Variants in TYR observed in about 807,000 individuals in gnomAD.
TYR encodes the protein tyrosinase.
A neutral mutation model predicts 51.5 loss-of-function variants in TYR; 58 were observed. The observed-to-expected ratio is 1.13, with a 90% CI of 0.91 to 1.40. The LOEUF is 1.40. TYR is among the 40% of genes most tolerant of loss of function. TYR has a pLI of 0.00. For synonymous variants in TYR, 263 were observed against 235.2 expected (o/e 1.12, Z -1.08); for missense variants, 732 against 647.4 (o/e 1.13, Z -1.42).
At chr11:89,192,720 C>A (rs748117434) in intron 2 of TYR, among the ~76,000 whole-genome samples, 16 of 152,126 alleles carry the variant, frequency 1.1e-4, no homozygotes, top group Non-Finnish European at 2.1e-4. Flanking sequence ...TGGTAATATT[C>A]ATGATTAACT....
intron 4 of TYR, chr11:89,294,014 T>G (rs563050209): frequency 5.0e-6 from 1 of 198,416 alleles, no homozygotes; most frequent in East Asian, 1.5e-4. Context: ...ATAAAGACTT[T>G]CTTTCTTTTT....
At chr11:89,257,812 A>T (rs1395328935) in intron 3 of TYR, among the ~76,000 whole-genome samples, 1 of 152,002 alleles carries the variant, frequency 6.6e-6, no homozygotes, top group Non-Finnish European at 1.5e-5. Flanking sequence ...TTCCCAGAGA[A>T]TTTGAATTCT....
chr11:89,256,091 A>G (rs1389113069), intron 3 of TYR, among the ~76,000 whole-genome samples: 2 of 151,762 alleles, frequency 1.3e-5, no homozygotes, highest in East Asian at 3.9e-4. Flanking sequence ...TGAGTAATAA[A>G]GACAATGACC....
intron 1 of TYR, among the ~76,000 whole-genome samples, chr11:89,189,724 G>T (rs1321283817): frequency 1.3e-5 from 2 of 152,082 alleles, no homozygotes; most frequent in Non-Finnish European, 2.9e-5. Flanking sequence ...ATGTGAGGTA[G>T]TTGTTATTAT....
intron 3 of TYR, among the ~76,000 whole-genome samples, chr11:89,258,146 G>A (rs950462462): frequency 2.6e-5 from 4 of 151,944 alleles, no homozygotes; most frequent in Admixed American, 1.3e-4. Context: ...GATTGCTATG[G>A]TGAAAGGCGG....
chr11:89,237,452 T>G (rs527972494), intron 3 of TYR, among the ~76,000 whole-genome samples: 19 of 152,274 alleles, frequency 1.2e-4, no homozygotes, highest in African/African-American at 4.3e-4. Flanking sequence ...AATATATTGA[T>G]GAGCCTATCC....
At chr11:89,184,168 G>A (rs1388328705) in intron 1 of TYR, among the ~76,000 whole-genome samples, 2 of 152,002 alleles carry the variant, frequency 1.3e-5, no homozygotes, top group Non-Finnish European at 2.9e-5. Flanking sequence ...CTGGAACCAG[G>A]GTAGATTTTC....
chr11:89,238,733 T>A (rs1445671929), intron 3 of TYR, among the ~76,000 whole-genome samples: 2 of 152,188 alleles, frequency 1.3e-5, no homozygotes, highest in East Asian at 1.9e-4. Flanking sequence ...TTGTCATATA[T>A]GCAAACTTTA....
chr11:89,246,328 A>G (rs1054547755), intron 3 of TYR, among the ~76,000 whole-genome samples: 15 of 152,162 alleles, frequency 9.9e-5, no homozygotes, highest in African/African-American at 2.9e-4. Flanking sequence ...AATTTTCCTC[A>G]CTTACAAAAA....
chr11:89,287,359 A>C (rs571235866), intron 4 of TYR, among the ~76,000 whole-genome samples: 1 of 151,926 alleles, frequency 6.6e-6, no homozygotes, highest in Non-Finnish European at 1.5e-5. Context: ...TTAAAACACT[A>C]TAAGTATTCT....
chr11:89,265,371 C>T (rs1462167065), intron 3 of TYR, among the ~76,000 whole-genome samples: 1 of 152,082 alleles, frequency 6.6e-6, no homozygotes, highest in Non-Finnish European at 1.5e-5. Context: ...CACTCCACCT[C>T]TCAGAATTCC....
chr11:89,272,209 G>A (rs1032429084), intron 3 of TYR, among the ~76,000 whole-genome samples: 4 of 151,612 alleles, frequency 2.6e-5, no homozygotes, highest in African/African-American at 4.8e-5. Context: ...ACTGTATGTC[G>A]GCTATACCCT....
chr11:89,196,463 T>C (rs12789834), intron 2 of TYR, among the ~76,000 whole-genome samples: 5,524 of 152,262 alleles, frequency 0.036, 136 homozygotes, highest in Middle Eastern at 0.068. Context: ...TGGCGTTTAA[T>C]GGTGTGTTTC....
At position 89,178,319 on chromosome 11, in the gene TYR, C is replaced by T. The variant is rs770901425; in HGVS notation, c.366C>T (p.Asn122=). 1.9e-6 allele frequency: 3 copies of T among 1,614,194 alleles called. No homozygotes were observed. Among genetic ancestry groups the T allele is most frequent in the South Asian group, 1.1e-5 (1 of 91,084 alleles). The change falls in exon 1 of 5, where the codon AAC becomes AAT. Residue 122 remains asparagine (N), a synonymous_variant. Transcript: ENST00000263321. ...CTERRLLVRR[N]IFDLSAPEKD... The stretch of plus-strand genomic sequence containing the variant: ...AGAGACGACTCTTGGTGAGAAGAAA[C>T]ATCTTCGATTTGAGTGCCCCAGAGA...
chr11:89,197,400 G>T (rs1416234995), intron 2 of TYR, among the ~76,000 whole-genome samples: 7 of 152,094 alleles, frequency 4.6e-5, no homozygotes, highest in Admixed American at 3.9e-4. Flanking sequence ...CACTTTTAAA[G>T]AGTTATAAAT....
rs190268700 is a variant in TYR, at chr11:89,283,494, G to A, written c.1185-1279G>A. 1.1e-3 allele frequency among the ~76,000 whole-genome samples: 162 copies of A among 151,864 alleles called. 1 individual carries two copies. The highest frequency in any genetic ancestry group is 3.7e-3 in the African/African-American group (155 of 41,482). Reference sequence around the variant, plus strand: ...AGCTTAAAATGTACAGCTAAGTAACGATAGCTTATTATTTAGTACTTTCAC... The same window carrying A: ...AGCTTAAAATGTACAGCTAAGTAACAATAGCTTATTATTTAGTACTTTCAC... On this transcript the variant is annotated intron_variant, in intron 3 of 4. Transcript: ENST00000263321.
intron 3 of TYR, among the ~76,000 whole-genome samples, chr11:89,271,960 G>T (rs1187882502): frequency 1.3e-5 from 2 of 151,796 alleles, no homozygotes; most frequent in African/African-American, 2.4e-5. Flanking sequence ...TCCATCTTCA[G>T]GGTCTACTTG....
chr11:89,226,884 G>A (rs1228514426), intron 2 of TYR, among the ~76,000 whole-genome samples: 1 of 151,908 alleles, frequency 6.6e-6, no homozygotes, highest in Non-Finnish European at 1.5e-5. Flanking sequence ...ATTCAATTTT[G>A]TTATCCAAAC....
intron 3 of TYR, among the ~76,000 whole-genome samples, chr11:89,260,846 A>G (rs952469739): frequency 3.3e-5 from 5 of 152,180 alleles, no homozygotes; most frequent in Non-Finnish European, 4.4e-5. Context: ...ATGGGCTGCT[A>G]CTTGTCTGTG....
Sources: allele counts gnomAD v4.1 joint callset (sites outside exome capture counted in the v4.1 genomes callset), GRCh38; gene constraint gnomAD v4.1.1; transcripts MANE v1.5; gene names NCBI Gene and HGNC (gene_info 2026-07-23, HGNC 2026-07-21).